The following JMJD1C variants were observed in gnomAD, a reference collection of about 807,000 sequenced individuals.
JMJD1C encodes jumonji domain containing 1C.
A neutral mutation model predicts 245.3 loss-of-function variants in JMJD1C; 31 were observed. That is an observed-to-expected ratio of 0.13 (90% confidence interval 0.09 to 0.17). JMJD1C has a LOEUF of 0.17. JMJD1C is among the 10% of genes least tolerant of loss of function. The pLI, the probability that JMJD1C is intolerant of heterozygous loss-of-function variation, is 1.00. For synonymous variants in JMJD1C, 1,057 were observed against 1,017.4 expected (o/e 1.04, Z -0.74); for missense variants, 2,691 against 3,000.2 (o/e 0.90, Z 2.41).
In JMJD1C at chr10:63,363,368, C is replaced by A. The variant is rs185807901; in HGVS notation, c.333+16950G>T. On this transcript the variant is annotated intron_variant, in intron 2 of 25. Transcript: ENST00000399262. ...CTGCCTCCCGGGTTCAAGCAATTCT[C>A]TTGCCTCAGCCTCCCGAGTAGCTGG... Among the ~76,000 whole-genome samples the A allele has an allele frequency of 2.9e-3, 430 of 147,966 alleles. 2 individuals carry two copies. The highest frequency in any genetic ancestry group is 3.0e-3 in the Non-Finnish European group (205 of 67,416).
chr10:63,197,113 C>T (rs1845548302), intron 13 of JMJD1C, among the ~76,000 whole-genome samples: 1 of 151,916 alleles, frequency 6.6e-6, no homozygotes, highest in African/African-American at 2.4e-5. Context: ...CCGGCCCACA[C>T]ACTGGAATCT....
chr10:63,465,365 G>GGGTTC, intron 1 of JMJD1C, 130 bp downstream of exon 1: 1 of 962,692 alleles, frequency 1.0e-6, no homozygotes, highest in Non-Finnish European at 1.5e-6. Flanking sequence ...AACGCGCCAA[G>GGGTTC]GGTTCAGCAG....
chr10:63,411,091 G>C (rs1165541238), intron 1 of JMJD1C, among the ~76,000 whole-genome samples: 1 of 152,052 alleles, frequency 6.6e-6, no homozygotes, highest in Non-Finnish European at 1.5e-5. Flanking sequence ...AATATATTAA[G>C]TTTCACAGAT....
At chr10:63,500,746 A>AAGATGGATGGAT in intron 1 of JMJD1C, among the ~76,000 whole-genome samples, 1 of 112,212 alleles carries the variant, frequency 8.9e-6, no homozygotes, top group East Asian at 2.5e-4. Flanking sequence ...GATGGATGGA[A>AAGATGGATGGAT]GGATGGATGG....
intron 1 of JMJD1C, among the ~76,000 whole-genome samples, chr10:63,387,120 G>A (rs923071594): frequency 6.6e-6 from 1 of 152,096 alleles, no homozygotes; most frequent in African/African-American, 2.4e-5. Context: ...CAGAATCAAA[G>A]CAAAAGTGCC....
chr10:63,319,951 A>T (rs1940638523), intron 2 of JMJD1C, among the ~76,000 whole-genome samples: 1 of 152,142 alleles, frequency 6.6e-6, no homozygotes, highest in South Asian at 2.1e-4. Flanking sequence ...GTTTTAGTAG[A>T]GACAGGGTTT....
intron 1 of JMJD1C, among the ~76,000 whole-genome samples, chr10:63,446,502 T>C (rs1039656288): frequency 2.6e-5 from 4 of 152,156 alleles, no homozygotes; most frequent in Non-Finnish European, 5.9e-5. Flanking sequence ...TTAAAGGTTA[T>C]AGGAATAGAT....
chr10:63,227,920 A>G (rs1849502594), intron 3 of JMJD1C, among the ~76,000 whole-genome samples: 1 of 152,204 alleles, frequency 6.6e-6, no homozygotes, highest in Admixed American at 6.5e-5. Flanking sequence ...TTACCACACC[A>G]CATCTTTTTA....
chr10:63,505,225 G>A (rs1272559108), intron 1 of JMJD1C, among the ~76,000 whole-genome samples: 1 of 151,254 alleles, frequency 6.6e-6, no homozygotes, highest in African/African-American at 2.4e-5. Context: ...GCTGAGGCAG[G>A]AGAATGGCAT....
intron 1 of JMJD1C, among the ~76,000 whole-genome samples, chr10:63,384,569 G>C (rs995272845): frequency 3.3e-5 from 5 of 152,142 alleles, no homozygotes; most frequent in African/African-American, 9.7e-5. Flanking sequence ...TCTCTGAGTA[G>C]TACATCTCAA....
intron 1 of JMJD1C, among the ~76,000 whole-genome samples, chr10:63,381,119 G>A (rs1947180511): frequency 1.3e-5 from 2 of 152,194 alleles, no homozygotes; most frequent in African/African-American, 2.4e-5. Context: ...TTTTGCAGCA[G>A]TATGAATAGA....
intron 19 of JMJD1C, 101 bp downstream of exon 19, chr10:63,186,114 A>G: frequency 1.1e-6 from 1 of 896,992 alleles, no homozygotes; most frequent in Non-Finnish European, 1.7e-6. Flanking sequence ...AGACAACATA[A>G]AACAGATGTT....
At chr10:63,471,883 C>A (rs769346037) in intron 1 of JMJD1C, among the ~76,000 whole-genome samples, 1 of 152,048 alleles carries the variant, frequency 6.6e-6, no homozygotes, top group East Asian at 1.9e-4. Context: ...ACTAAAAATA[C>A]AAAAATTAGC....
chr10:63,512,875 G>A (rs1323377141), intron 1 of JMJD1C, among the ~76,000 whole-genome samples: 2 of 152,074 alleles, frequency 1.3e-5, no homozygotes, highest in African/African-American at 2.4e-5. Flanking sequence ...TGTTCTGAGG[G>A]AGTTTTTCTC....
intron 2 of JMJD1C, among the ~76,000 whole-genome samples, chr10:63,268,076 A>C (rs1589340816): frequency 6.6e-6 from 1 of 151,612 alleles, no homozygotes; most frequent in East Asian, 1.9e-4. Flanking sequence ...CTGCAGTCTT[A>C]GTTTCTAACA....
At chr10:63,338,537 A>G (rs1039517727) in intron 2 of JMJD1C, among the ~76,000 whole-genome samples, 2 of 151,938 alleles carry the variant, frequency 1.3e-5, no homozygotes, top group African/African-American at 4.8e-5. Flanking sequence ...ACCTAGATAT[A>G]GTGGCATCAT....
chr10:63,464,755 T>C (rs745957163), intron 1 of JMJD1C, among the ~76,000 whole-genome samples: 1 of 151,504 alleles, frequency 6.6e-6, no homozygotes, highest in Non-Finnish European at 1.5e-5. Flanking sequence ...ATTGACAACA[T>C]TTTTCGTCTT....
chr10:63,492,720 A>T (rs1239792165), intron 1 of JMJD1C, among the ~76,000 whole-genome samples: 1 of 152,196 alleles, frequency 6.6e-6, no homozygotes, highest in Non-Finnish European at 1.5e-5. Flanking sequence ...GATTATTTTT[A>T]AAAAGCACAT....
At chr10:63,510,282 C>T (rs903602401) in intron 1 of JMJD1C, among the ~76,000 whole-genome samples, 6 of 152,160 alleles carry the variant, frequency 3.9e-5, no homozygotes, top group African/African-American at 1.4e-4. Flanking sequence ...GGACTACAGG[C>T]ATGAGCCACC....
Sources: gnomAD v4.1 joint callset for allele counts (sites outside exome capture counted in the v4.1 genomes callset) on GRCh38, gnomAD v4.1.1 for gene constraint, MANE v1.5 for transcripts, NCBI Gene and HGNC (gene_info 2026-07-23, HGNC 2026-07-21) for gene names.